RHBDF2: variants seen among roughly 807,000 people sequenced by gnomAD.
RHBDF2 encodes rhomboid 5 homolog 2, also known as inactive rhomboid protein 2.
A neutral mutation model predicts 95.2 loss-of-function variants in RHBDF2; 38 were observed. The ratio of observed to expected loss-of-function variants is 0.40; its 90% CI spans 0.31 to 0.52. The LOEUF is 0.52. RHBDF2 is among the 20% of genes least tolerant of loss of function. RHBDF2 has a pLI of 0.56. For missense variants in RHBDF2, 863 were observed against 1,137.7 expected (o/e 0.76, Z 3.47); for synonymous variants, 442 against 462.0 (o/e 0.96, Z 0.55).
intron 6 of RHBDF2, among the ~76,000 whole-genome samples, chr17:76,478,130 CTCCCTG>C (rs1383268424): frequency 6.6e-6 from 1 of 152,232 alleles, no homozygotes; most frequent in African/African-American, 2.4e-5. Context: ...TGGGCCATGT[CTCCCTG>C]TCCCTGTTTC....
At chr17:76,495,159 G>A (rs575923015) in intron 1 of RHBDF2, among the ~76,000 whole-genome samples, 1 of 152,166 alleles carries the variant, frequency 6.6e-6, no homozygotes, top group Admixed American at 6.5e-5. Flanking sequence ...GGGTTTTCAC[G>A]GGTCCTTGGA....
intron 1 of RHBDF2, among the ~76,000 whole-genome samples, chr17:76,495,217 G>A (rs905979398): frequency 6.6e-6 from 1 of 152,234 alleles, no homozygotes; most frequent in African/African-American, 2.4e-5. Context: ...AGGATGAGAT[G>A]CAGCCTGGGG....
chr17:76,471,493 A>C lies in RHBDF2; in HGVS notation c.*140T>G, dbSNP rs1397157796. 3.1e-6 allele frequency: 3 copies of C among 959,306 alleles called. No individual in the cohort carries two copies. The highest frequency in any genetic ancestry group is 6.0e-5 in the Admixed American group (2 of 33,434). 59.4% of individuals were successfully genotyped at this position (959,306 alleles called of 1,614,324 possible). ...TCACGCGGAGTCAGCCTCGCCTGGC[A>C]GGGGGGCACCCAGGTCCAGAGCCCG... is the stretch of plus-strand genomic sequence containing the variant. On this transcript the variant is annotated 3_prime_UTR_variant, in exon 19 of 19. Transcript: ENST00000675367.
chr17:76,483,028 G>C (rs2074018087), intron 2 of RHBDF2, among the ~76,000 whole-genome samples: 1 of 152,152 alleles, frequency 6.6e-6, no homozygotes, highest in Non-Finnish European at 1.5e-5. Flanking sequence ...AATTAGCCAG[G>C]CATAGTGCCT....
intron 2 of RHBDF2, among the ~76,000 whole-genome samples, chr17:76,486,536 G>C (rs149388409): frequency 3.9e-4 from 59 of 152,172 alleles, no homozygotes; most frequent in African/African-American, 1.2e-3. Flanking sequence ...AACATAGTGA[G>C]ATCCCATCTG....
chr17:76,496,455 T>C (rs1414368048), intron 1 of RHBDF2, among the ~76,000 whole-genome samples: 2 of 152,132 alleles, frequency 1.3e-5, no homozygotes, highest in African/African-American at 4.8e-5. Context: ...ACCCTGGAAC[T>C]GGTGAGGGGC....
intron 6 of RHBDF2, among the ~76,000 whole-genome samples, chr17:76,478,563 T>C (rs2073845567): frequency 6.6e-6 from 1 of 152,160 alleles, no homozygotes; most frequent in East Asian, 1.9e-4. Context: ...TAAGAGTCAG[T>C]GCAGAGACCA....
At chr17:76,480,631 C>G (rs983266388) in intron 3 of RHBDF2, among the ~76,000 whole-genome samples, 3 of 152,198 alleles carry the variant, frequency 2.0e-5, no homozygotes, top group Non-Finnish European at 4.4e-5. Context: ...AGTGATCTGG[C>G]TGCCTCAGCC....
At chr17:76,484,066 A>G (rs1310705204) in intron 2 of RHBDF2, among the ~76,000 whole-genome samples, 1 of 152,132 alleles carries the variant, frequency 6.6e-6, no homozygotes, top group African/African-American at 2.4e-5. Context: ...GTTCGAGACC[A>G]GCATGACCAA....
At chr17:76,480,334 GCCTCGGCCT>G (rs1170901926) in intron 3 of RHBDF2, among the ~76,000 whole-genome samples, 1 of 151,448 alleles carries the variant, frequency 6.6e-6, no homozygotes, top group Non-Finnish European at 1.5e-5. Flanking sequence ...TGATCTGGCC[GCCTCGGCCT>G]CCCAAAGTGC....
At chr17:76,489,736 G>A (rs1375714299) in intron 1 of RHBDF2, among the ~76,000 whole-genome samples, 2 of 152,230 alleles carry the variant, frequency 1.3e-5, no homozygotes, top group African/African-American at 4.8e-5. Flanking sequence ...GCGGGGCCTT[G>A]TTTGGCCCTT....
At chr17:76,473,623 T>C in intron 15 of RHBDF2, 25 bp downstream of exon 15, 3 of 1,576,018 alleles carry the variant, frequency 1.9e-6, no homozygotes, top group East Asian at 2.3e-5. Context: ...GTGGGATGGC[T>C]GAGGCCAGGG....
intron 1 of RHBDF2, among the ~76,000 whole-genome samples, chr17:76,492,684 GTTTCTAGAAGCTCTGA>G (rs2074334154): frequency 6.6e-6 from 1 of 152,202 alleles, no homozygotes. Flanking sequence ...ACACAAGTGG[GTTTCTAGAAGCTCTGA>G]GTCTTGCTAA....
chr17:76,478,686 T>C, intron 6 of RHBDF2, 120 bp downstream of exon 6: 1 of 851,306 alleles, frequency 1.2e-6, no homozygotes, highest in Non-Finnish European at 1.8e-6. Flanking sequence ...TCCACTGTCC[T>C]TGGCACCGTA....
In RHBDF2 at chr17:76,493,777, C is replaced by T. The variant is rs114554751; in HGVS notation, c.-219-5868G>A. On this transcript the variant is annotated intron_variant, in intron 1 of 18. Transcript: ENST00000675367. ...CGGTACACGCTTCAGCCCACAGCTG[C>T]TGATGGAGAGAAACAAAACGGCCTG... 4.6e-3 allele frequency among the ~76,000 whole-genome samples: 695 copies of T among 152,358 alleles called. 2 individuals are homozygous for T. The highest frequency in any genetic ancestry group is 0.015 in the African/African-American group (641 of 41,578).
intron 3 of RHBDF2, 173 bp from the exon 4 acceptor site, chr17:76,480,027 GTGTGTGTGTGTGTGTT>G: frequency 2.5e-6 from 1 of 394,476 alleles, no homozygotes; most frequent in South Asian, 3.1e-5. Flanking sequence ...GTGTGTGTGT[GTGTGTGTGTGTGTGTT>G]TGTATATGTA....
In RHBDF2 at chr17:76,475,045, G is replaced by T. The variant is rs777854748; in HGVS notation, c.1212C>A (p.His404Gln). 21 of 1,588,194 alleles carry T rather than the reference G, an allele frequency of 1.3e-5. No individual in the cohort carries two copies. The highest frequency in any genetic ancestry group is 1.8e-5 in the Non-Finnish European group (21 of 1,167,890). Reference sequence around the variant, plus strand: ...CCCGACTCACCAGCTGGGTGGTGACGTGCTGGGCAAAGCCCACGGGTGCGA... The same window carrying T: ...CCCGACTCACCAGCTGGGTGGTGACTTGCTGGGCAAAGCCCACGGGTGCGA... ...YGIAPVGFAQ[H>Q]VTTQLVLRNK... The change falls in exon 10 of 19, where the codon CAC becomes CAA. Residue 404 changes from histidine (H) to glutamine (Q), a missense_variant. Physicochemically the swap from His to Gln is conservative, Grantham distance 24 (BLOSUM62 0). Around this residue, in one of 2 missense-constraint regions of RHBDF2, gnomAD observed 611 missense variants for 725.5 expected, o/e 0.84. Coordinates refer to ENST00000675367, the MANE Select transcript of RHBDF2 (RefSeq NM_001005498.4).
At chr17:76,481,947 C>T (rs1222105596) in intron 2 of RHBDF2, 1 of 150,424 alleles carries the variant, frequency 6.6e-6, no homozygotes, top group Non-Finnish European at 1.4e-5. Flanking sequence ...AAGACTCTGT[C>T]TGAAAACACA....
intron 4 of RHBDF2, 64 bp from the exon 5 acceptor site, chr17:76,479,341 G>A (rs1319500181): frequency 6.5e-7 from 1 of 1,542,088 alleles, no homozygotes; most frequent in Non-Finnish European, 8.7e-7. Flanking sequence ...CTGAGTGTGT[G>A]GAAGGGGTGA....
Sources: allele counts gnomAD v4.1 joint callset (sites outside exome capture counted in the v4.1 genomes callset), GRCh38; gene constraint gnomAD v4.1.1; regional missense constraint gnomAD v4.1.1; transcripts MANE v1.5; gene names NCBI Gene and HGNC (gene_info 2026-07-23, HGNC 2026-07-21).